CHGA: variants seen among roughly 807,000 people sequenced by gnomAD.
CHGA encodes chromogranin-A.
In CHGA, 41 loss-of-function variants were observed where a neutral mutation model predicts 54.4. The observed-to-expected ratio is 0.75, with a 90% CI of 0.59 to 0.98. The LOEUF (loss-of-function observed/expected upper bound fraction) is 0.98, where lower values mean the gene tolerates loss of function less well. Among genes scored for constraint, CHGA ranks in the 50% least tolerant of loss-of-function variants. The pLI, the probability that CHGA is intolerant of heterozygous loss-of-function variation, is 0.00. For missense variants in CHGA, 576 were observed against 582.3 expected, an observed-to-expected ratio of 0.99 and a Z score of 0.11; for synonymous variants, 249 against 232.8, an observed-to-expected ratio of 1.07 and a Z score of -0.63.
intron 7 of CHGA, chr14:92,933,054 A>G: frequency 1.4e-6 from 1 of 705,400 alleles, no homozygotes; most frequent in South Asian, 3.2e-5. Context: ...TGGCTGGGAG[A>G]TGGGAGGAGC....
chr14:92,931,629 C>T lies in CHGA; in HGVS notation c.735C>T (p.Pro245=), dbSNP rs760090586. The T allele has an allele frequency of 4.3e-6, 7 of 1,611,364 alleles. No homozygotes were observed. The highest frequency in any genetic ancestry group is 2.2e-5 in the East Asian group (1 of 44,838). Residue 245 remains proline (P), a synonymous_variant, in exon 6 of 8, where the codon CCC becomes CCT. Transcript: ENST00000216492. Reference sequence around the variant, plus strand: ...CTGAGGCTGGAGAGGAGGCTGTCCCCGAGGAAGAAGGCCCCACTGTAGTGC... The same window carrying T: ...CTGAGGCTGGAGAGGAGGCTGTCCCTGAGGAAGAAGGCCCCACTGTAGTGC... The part of the protein sequence containing the change: ...EEAEAGEEAV[P]EEEGPTVVLN...
chr14:92,934,958 CA>C lies in CHGA; in HGVS notation c.*75del, dbSNP rs1481743369. On this transcript the variant is annotated 3_prime_UTR_variant, in exon 8 of 8. Coordinates refer to ENST00000216492, the MANE Select transcript of CHGA (RefSeq NM_001275.4). ...TGCTGTCCCCTTGGCAGGTCCTGGC[CA>C]GATGGCCCGGATGCTGCTTCCGGTA... 1.3e-5 allele frequency: 17 copies of C among 1,345,490 alleles called. No homozygotes were observed. The highest frequency in any genetic ancestry group is 6.0e-5 in the African/African-American group (4 of 66,206). 83.3% of individuals were successfully genotyped at this position (1,345,490 alleles called of 1,614,324 possible). A position where few individuals can be genotyped will look rare whatever the true frequency, so the allele number is the denominator to read the frequency against.
Position 92,932,943 on chromosome 14 carries a change from GACAGGGC to G in CHGA, c.1290+93_1290+99del. 2 of 1,433,104 alleles carry G rather than the reference GACAGGGC, an allele frequency of 1.4e-6. No individual in the cohort carries two copies. The highest frequency in any genetic ancestry group is 1.8e-6 in the Non-Finnish European group (2 of 1,089,526). 88.8% of individuals were successfully genotyped at this position (1,433,104 alleles called of 1,614,324 possible). On this transcript the variant is annotated intron_variant, in intron 7 of 7. Coordinates refer to ENST00000216492, the MANE Select transcript of CHGA (RefSeq NM_001275.4). This position sits in a 1 kb window ranked among gnomAD's most constrained non-coding sequence, Gnocchi z 5.3. ...CACACTGCCCCTGCCCCACTGAGGGGACAGGGCCCCCCCGCCGAAGTCTGGGGATGGA... is the reference window on the plus strand; with the variant it reads ...CACACTGCCCCTGCCCCACTGAGGGGCCCCCCGCCGAAGTCTGGGGATGGA...
At position 92,932,295 on chromosome 14, in the gene CHGA, C is replaced by T; in HGVS notation, c.809-75C>T. 4.0e-6 allele frequency: 6 copies of T among 1,484,834 alleles called. No individual in the cohort carries two copies. Among genetic ancestry groups the T allele is most frequent in the Non-Finnish European group, 4.5e-6 (5 of 1,114,866 alleles). The allele number at this position is 1,484,834 out of a possible 1,614,324, so 92.0% of individuals were successfully genotyped here. A position where few individuals can be genotyped will look rare whatever the true frequency, so the allele number is the denominator to read the frequency against. On this transcript the variant is annotated intron_variant, in intron 6 of 7. Coordinates refer to ENST00000216492, the MANE Select transcript of CHGA (RefSeq NM_001275.4). This position sits in a 1 kb window ranked among gnomAD's most constrained non-coding sequence, Gnocchi z 5.3. ...CTGGGCTGTGGCCGCAGCAGAGGCC[C>T]CCAGGGAGTGGCAGAGACTGGGAAA...
chr14:92,927,322 G>A (rs1330628380), intron 3 of CHGA, among the ~76,000 whole-genome samples: 1 of 152,178 alleles, frequency 6.6e-6, no homozygotes, highest in Admixed American at 6.5e-5. Context: ...TTTGGCTAAG[G>A]TCTGGCTGCT....
In CHGA at chr14:92,932,345, T is replaced by C. The variant is rs1231645584; in HGVS notation, c.809-25T>C. 1.9e-6 allele frequency: 3 copies of C among 1,555,146 alleles called. No individual in the cohort carries two copies. In the South Asian group the frequency reaches 3.6e-5, roughly 19 times the overall value. The stretch of plus-strand genomic sequence containing the variant: ...AATGGTGGTCCCCCACCCATTCTCC[T>C]GCTCTTGCCCACCACCTGCTCCAGG... On this transcript the variant is annotated intron_variant, in intron 6 of 7. Transcript: ENST00000216492. The surrounding 1 kb of genome is among the most constrained non-coding windows in gnomAD (Gnocchi z 5.3).
In CHGA at chr14:92,931,404, T is replaced by TGGGGAGGAA; in HGVS notation, c.512_520dup (p.Gly171_Glu173dup). ...AGGCTGAGGGGAACAATCAGGCCCC[T>TGGGGAGGAA]GGGGAGGAAGAGGAGGAGGAGGAGG... On this transcript the variant is annotated inframe_insertion, in exon 6 of 8. Coordinates refer to ENST00000216492, the MANE Select transcript of CHGA (RefSeq NM_001275.4). 4 of 1,611,404 alleles carry TGGGGAGGAA rather than the reference T, an allele frequency of 2.5e-6. No individual in the cohort carries two copies. The highest frequency in any genetic ancestry group is 3.4e-6 in the Non-Finnish European group (4 of 1,179,288).
At chr14:92,924,841 A>G (rs1886856037) in intron 2 of CHGA, among the ~76,000 whole-genome samples, 1 of 152,134 alleles carries the variant, frequency 6.6e-6, no homozygotes, top group Non-Finnish European at 1.5e-5. Flanking sequence ...GCAGCAAGAG[A>G]CACACCACGC....
chr14:92,926,506 A>C (rs974481013), intron 2 of CHGA, 99 bp from the exon 3 acceptor site: 54 of 961,400 alleles, frequency 5.6e-5, no homozygotes, highest in Non-Finnish European at 8.3e-5. Flanking sequence ...AGACAAAAGC[A>C]AATACCCTCT....
Position 92,931,699 on chromosome 14 carries a change from G to A in CHGA, c.805G>A (p.Glu269Lys), listed in dbSNP as rs780810744. The A allele has an allele frequency of 8.3e-6, 13 of 1,568,078 alleles. No individual in the cohort carries two copies. The highest frequency in any genetic ancestry group is 2.3e-5 in the East Asian group (1 of 44,368). Reference sequence around the variant, plus strand: ...TGGCTACAAGGAGATCCGGAAAGGCGAGAGTACGTATGATGGCGAAGACCT... The same window carrying A: ...TGGCTACAAGGAGATCCGGAAAGGCAAGAGTACGTATGATGGCGAAGACCT... ...SLGYKEIRKG[E>K]SRSEALAVDG... Residue 269 changes from glutamate (E) to lysine (K), a missense_variant, in exon 6 of 8, where the codon GAG (glutamate) becomes AAG (lysine). Transcript: ENST00000216492.
At chr14:92,923,451 T>C in intron 1 of CHGA, 46 bp downstream of exon 1, 3 of 1,240,268 alleles carry the variant, frequency 2.4e-6, no homozygotes, top group Non-Finnish European at 3.0e-6. Flanking sequence ...CGGGCGCCCC[T>C]GCCCACCTTG....
chr14:92,933,465 A>G (rs1041953746), intron 7 of CHGA, among the ~76,000 whole-genome samples: 1 of 151,970 alleles, frequency 6.6e-6, no homozygotes, highest in African/African-American at 2.4e-5. Context: ...GGCTTTGAAA[A>G]CCAGGGCCCC....
intron 5 of CHGA, among the ~76,000 whole-genome samples, chr14:92,930,984 C>T (rs542601155): frequency 2.6e-5 from 4 of 152,324 alleles, no homozygotes; most frequent in Non-Finnish European, 5.9e-5. Flanking sequence ...GGCTTTATCT[C>T]CTGGATTAAT....
chr14:92,931,767 C>A, intron 6 of CHGA, 65 bp downstream of exon 6: 1 of 1,460,794 alleles, frequency 6.8e-7, no homozygotes, highest in Non-Finnish European at 9.3e-7. Flanking sequence ...GGAGGAGAGC[C>A]TTCTCCATAA....
At chr14:92,925,569 C>T (rs898467143) in intron 2 of CHGA, among the ~76,000 whole-genome samples, 6 of 152,148 alleles carry the variant, frequency 3.9e-5, no homozygotes, top group Admixed American at 2.6e-4. Context: ...ATCCTTGGAC[C>T]GGTTGCCTTG....
chr14:92,931,915 C>T (rs562750160), intron 6 of CHGA, among the ~76,000 whole-genome samples: 159 of 152,278 alleles, frequency 1.0e-3, no homozygotes, highest in African/African-American at 3.7e-3. Context: ...GGTTCTACCC[C>T]AGATTTATCT....
intron 2 of CHGA, 183 bp from the exon 3 acceptor site, chr14:92,926,422 C>G: frequency 1.6e-6 from 1 of 610,980 alleles, no homozygotes; most frequent in Non-Finnish European, 2.9e-6. Flanking sequence ...TAAGGGTTTT[C>G]TATTATCATT....
chr14:92,924,562 G>C (rs1886850633), intron 2 of CHGA, among the ~76,000 whole-genome samples: 1 of 152,222 alleles, frequency 6.6e-6, no homozygotes, highest in South Asian at 2.1e-4. Context: ...GGCTGGTGGG[G>C]GTGGCTTCTC....
intron 4 of CHGA, 105 bp from the exon 5 acceptor site, chr14:92,929,612 A>G (rs2139671276): frequency 1.0e-6 from 1 of 994,966 alleles, no homozygotes; most frequent in Non-Finnish European, 1.6e-6. Context: ...GGCCCTGAAC[A>G]TGATGTGCCC....
Sources: allele counts gnomAD v4.1 joint callset (sites outside exome capture counted in the v4.1 genomes callset), GRCh38; gene constraint gnomAD v4.1.1; non-coding constraint Gnocchi (gnomAD v3.1); transcripts MANE v1.5; gene names NCBI Gene and HGNC (gene_info 2026-07-23, HGNC 2026-07-21).